Variants in PARD3 observed in about 807,000 individuals in gnomAD.
PARD3 encodes partitioning defective 3 homolog.
In PARD3, 75 loss-of-function variants were observed where a neutral mutation model predicts 155.4. That is an observed-to-expected ratio of 0.48 (90% CI 0.40 to 0.58). PARD3 has a LOEUF of 0.58. Ranked by LOEUF, PARD3 falls within the 20% of genes least tolerant of loss-of-function variation. The pLI is 0.00. For synonymous variants in PARD3, 576 were observed against 610.5 expected (o/e 0.94, Z 0.83); for missense variants, 1,642 against 1,721.7 (o/e 0.95, Z 0.82).
At chr10:34,547,694 A>G (rs1190381629) in intron 2 of PARD3, among the ~76,000 whole-genome samples, 1 of 152,226 alleles carries the variant, frequency 6.6e-6, no homozygotes, top group Non-Finnish European at 1.5e-5. Context: ...CCTGACATCT[A>G]TTGACCAAGT....
intron 23 of PARD3, among the ~76,000 whole-genome samples, chr10:34,129,698 C>CTTTTTTTTTTTTTT (rs1346445542): frequency 1.7e-5 from 1 of 59,712 alleles, no homozygotes; most frequent in African/African-American, 5.5e-5. Flanking sequence ...AATGTCAAGC[C>CTTTTTTTTTTTTTT]TCTTTTTTTT....
In PARD3 at chr10:34,475,403, A is replaced by G. The variant is rs750768168; in HGVS notation, c.404-5140T>C. 1.6e-4 allele frequency among the ~76,000 whole-genome samples: 25 copies of G among 152,374 alleles called. 1 individual carries two copies. The highest frequency in any genetic ancestry group is 5.9e-4 in the Admixed American group (9 of 15,306). On this transcript the variant is annotated intron_variant, in intron 3 of 24. Transcript: ENST00000374788. ...GAAAAACAGAACTTCACAAATATGTAGCTGGAAGAGGGAATAATATCTTAA... is the reference window on the plus strand; with the variant it reads ...GAAAAACAGAACTTCACAAATATGTGGCTGGAAGAGGGAATAATATCTTAA...
At chr10:34,115,470 G>A (rs894807954) in intron 24 of PARD3, among the ~76,000 whole-genome samples, 2 of 152,104 alleles carry the variant, frequency 1.3e-5, no homozygotes, top group African/African-American at 4.8e-5. Flanking sequence ...TGATGTCAAA[G>A]GGTACAAATC....
intron 1 of PARD3, among the ~76,000 whole-genome samples, chr10:34,710,667 G>A (rs376278864): frequency 2.0e-5 from 3 of 152,258 alleles, no homozygotes; most frequent in African/African-American, 4.8e-5. Flanking sequence ...CAGCCTCAGC[G>A]TTGCCTCACC....
At chr10:34,676,353 T>C (rs528635869) in intron 2 of PARD3, among the ~76,000 whole-genome samples, 6 of 152,274 alleles carry the variant, frequency 3.9e-5, no homozygotes, top group Non-Finnish European at 7.4e-5. Flanking sequence ...TGGTTCCTGC[T>C]TGAGGGGGAA....
At chr10:34,240,821 A>G (rs982227544) in intron 22 of PARD3, among the ~76,000 whole-genome samples, 3 of 151,984 alleles carry the variant, frequency 2.0e-5, no homozygotes, top group Non-Finnish European at 4.4e-5. Flanking sequence ...AGAGCTCAAA[A>G]CTATAGAGAG....
intron 12 of PARD3, among the ~76,000 whole-genome samples, chr10:34,370,807 G>GGTGT (rs3040369): frequency 0.012 from 1,741 of 145,644 alleles, 24 homozygotes; most frequent in African/African-American, 0.036. Flanking sequence ...ATACAAATGG[G>GGTGT]GTGTGTGTGT....
intron 1 of PARD3, among the ~76,000 whole-genome samples, chr10:34,734,213 A>G (rs1313600928): frequency 6.6e-6 from 1 of 151,836 alleles, no homozygotes; most frequent in Non-Finnish European, 1.5e-5. Flanking sequence ...TAAATTCATT[A>G]TATCAACAAA....
intron 1 of PARD3, among the ~76,000 whole-genome samples, chr10:34,711,636 T>A (rs559952058): frequency 6.6e-6 from 1 of 152,262 alleles, no homozygotes; most frequent in East Asian, 1.9e-4. Context: ...CATCTTCAGC[T>A]TTTTTTAGCA....
At position 34,277,234 on chromosome 10, in the gene PARD3, G is replaced by A. The variant is rs147002306; in HGVS notation, c.3176+6901C>T. Among the ~76,000 whole-genome samples, 878 of 152,186 alleles carry A rather than the reference G, an allele frequency of 5.8e-3. 4 individuals carry two copies. Among genetic ancestry groups the A allele is most frequent in the Non-Finnish European group, 8.0e-3 (545 of 68,004 alleles). ...AGCTACAAAACAACTGGAAAGAACC[G>A]TCTGTTGAGAAAGCAGTTTTAGTCC... is the stretch of plus-strand genomic sequence containing the variant. On this transcript the variant is annotated intron_variant, in intron 21 of 24. Coordinates refer to ENST00000374788, the MANE Select transcript of PARD3 (RefSeq NM_001184785.2).
intron 2 of PARD3, among the ~76,000 whole-genome samples, chr10:34,524,018 T>A (rs923911074): frequency 6.6e-6 from 1 of 152,196 alleles, no homozygotes; most frequent in Non-Finnish European, 1.5e-5. Context: ...TATTTTTTTT[T>A]AAGATTTCAT....
intron 20 of PARD3, among the ~76,000 whole-genome samples, chr10:34,293,379 C>T (rs1350539149): frequency 6.6e-6 from 1 of 152,086 alleles, no homozygotes; most frequent in African/African-American, 2.4e-5. Flanking sequence ...GGTAATCAAA[C>T]CACACTAACC....
intron 2 of PARD3, among the ~76,000 whole-genome samples, chr10:34,656,072 T>G (rs970127033): frequency 6.6e-6 from 1 of 152,134 alleles, no homozygotes; most frequent in African/African-American, 2.4e-5. Context: ...ATGTCAAAAT[T>G]TTTTATGGTA....
At chr10:34,493,346 G>A (rs2080044418) in intron 3 of PARD3, among the ~76,000 whole-genome samples, 1 of 152,158 alleles carries the variant, frequency 6.6e-6, no homozygotes, top group African/African-American at 2.4e-5. Context: ...TGGCACAGGG[G>A]ATCTCTACTC....
At chr10:34,334,655 C>T (rs1055701998) in intron 18 of PARD3, among the ~76,000 whole-genome samples, 2 of 151,280 alleles carry the variant, frequency 1.3e-5, no homozygotes, top group African/African-American at 4.8e-5. Flanking sequence ...AATCAACAGA[C>T]CAAGTATTTT....
At chr10:34,284,633 T>C (rs955674808) in intron 20 of PARD3, among the ~76,000 whole-genome samples, 5 of 152,194 alleles carry the variant, frequency 3.3e-5, no homozygotes, top group African/African-American at 1.2e-4. Context: ...TAAAGAATGA[T>C]AATCCACAAT....
rs76980583 is a variant in PARD3, at chr10:34,363,020, C to G, written c.1708-2761G>C. On this transcript the variant is annotated intron_variant, in intron 12 of 24. Transcript: ENST00000374788. ...AAGCTACATTTGAAAAAATGGAAAA[C>G]AAGAATATTCTTTCTATGGACACAC... 2.9e-3 allele frequency among the ~76,000 whole-genome samples: 442 copies of G among 152,230 alleles called. 1 individual carries two copies. The highest frequency in any genetic ancestry group is 0.01 in the African/African-American group (421 of 41,538).
At chr10:34,788,720 AAGG>A (rs1031704842) in intron 1 of PARD3, among the ~76,000 whole-genome samples, 4 of 152,104 alleles carry the variant, frequency 2.6e-5, no homozygotes, top group Admixed American at 2.0e-4. Flanking sequence ...TACAATCTTC[AAGG>A]AGAAGAGGGT....
intron 3 of PARD3, among the ~76,000 whole-genome samples, chr10:34,512,801 C>T (rs933932342): frequency 6.6e-6 from 1 of 152,034 alleles, no homozygotes; most frequent in Non-Finnish European, 1.5e-5. Context: ...TTCTTCTATA[C>T]TAAGAATACT....
Sources: allele counts gnomAD v4.1 joint callset (sites outside exome capture counted in the v4.1 genomes callset), GRCh38; gene constraint gnomAD v4.1.1; transcripts MANE v1.5; gene names NCBI Gene and HGNC (gene_info 2026-07-23, HGNC 2026-07-21).